MAP2: variants seen among roughly 807,000 people sequenced by gnomAD.
MAP2 encodes microtubule associated protein 2.
In MAP2, 14 loss-of-function variants were observed where a neutral mutation model predicts 137.6. That is an observed-to-expected ratio of 0.10 (90% CI 0.07 to 0.16). The LOEUF is 0.16. Among genes scored for constraint, MAP2 ranks in the 10% least tolerant of loss-of-function variants. The pLI is 1.00. For synonymous variants in MAP2, 786 were observed against 782.3 expected, an observed-to-expected ratio of 1.00 and a Z score of -0.08; for missense variants, 2,088 against 2,191.5, an observed-to-expected ratio of 0.95 and a Z score of 0.94.
chr2:209,578,092 G>C (rs1251555232), intron 2 of MAP2, among the ~76,000 whole-genome samples: 1 of 152,178 alleles, frequency 6.6e-6, no homozygotes, highest in Admixed American at 6.5e-5. Context: ...AAGTCACTTG[G>C]TGAGAGAAGA....
intron 2 of MAP2, among the ~76,000 whole-genome samples, chr2:209,516,644 C>A (rs182778935): frequency 2.0e-5 from 3 of 152,220 alleles, no homozygotes; most frequent in African/African-American, 7.2e-5. Flanking sequence ...GTGAGCAGGA[C>A]GTTTAACTTG....
rs555866029 is a variant in MAP2, at chr2:209,594,117, C to T, written c.-107+14017C>T. On this transcript the variant is annotated intron_variant, in intron 3 of 15. Transcript: ENST00000682079. ...GAGCTATGATTGTGTCGCTGCACTC[C>T]GGCCTCGGTAACAGATGAAAAAAAA... is the stretch of plus-strand genomic sequence containing the variant. Among the ~76,000 whole-genome samples, 851 of 133,022 alleles carry T rather than the reference C, an allele frequency of 6.4e-3. 7 individuals are homozygous for T. Among genetic ancestry groups the T allele is most frequent in the Middle Eastern group, 0.011 (3 of 274 alleles). The allele number at this position is 133,022 out of a possible 152,430, so 87.3% of individuals were successfully genotyped here. A position where few individuals can be genotyped will look rare whatever the true frequency, so the allele number is the denominator to read the frequency against.
At chr2:209,464,544 C>A (rs991169043) in intron 1 of MAP2, among the ~76,000 whole-genome samples, 1 of 151,964 alleles carries the variant, frequency 6.6e-6, no homozygotes. Context: ...TTCTGTTTTC[C>A]TGAAAGAATG....
At chr2:209,682,719 C>T (rs1275044719) in intron 7 of MAP2, among the ~76,000 whole-genome samples, 2 of 151,964 alleles carry the variant, frequency 1.3e-5, no homozygotes, top group African/African-American at 4.8e-5. Context: ...AGCACAAGGG[C>T]GCTCAGGTGC....
Position 209,653,018 on chromosome 2 carries a change from T to C in MAP2, c.-29-124T>C. On this transcript the variant is annotated intron_variant, in intron 4 of 15. Coordinates refer to ENST00000682079, the MANE Select transcript of MAP2 (RefSeq NM_001375505.1). The stretch of plus-strand genomic sequence containing the variant: ...ATTCTTGATATTAAACATAGGTTAT[T>C]GTACATGTTTTCTTTGACCATAGAA... 6.3e-6 allele frequency: 4 copies of C among 631,574 alleles called. No homozygotes were observed. The Admixed American group carries it at 1.4e-4, about 22-fold the overall frequency. 39.1% of individuals were successfully genotyped at this position (631,574 alleles called of 1,614,324 possible).
At chr2:209,641,439 T>A (rs2094014038) in intron 4 of MAP2, among the ~76,000 whole-genome samples, 1 of 152,036 alleles carries the variant, frequency 6.6e-6, no homozygotes, top group South Asian at 2.1e-4. Flanking sequence ...TGATTAGAAT[T>A]TTTTCTCCTT....
chr2:209,488,881 C>G (rs957723240), intron 1 of MAP2, among the ~76,000 whole-genome samples: 1 of 152,200 alleles, frequency 6.6e-6, no homozygotes, highest in African/African-American at 2.4e-5. Context: ...CTTAAACGTT[C>G]CTGCCTGCCA....
intron 1 of MAP2, among the ~76,000 whole-genome samples, chr2:209,450,872 T>G (rs1485143825): frequency 1.3e-5 from 2 of 152,080 alleles, no homozygotes; most frequent in Non-Finnish European, 2.9e-5. Flanking sequence ...GAAAAATGAA[T>G]GAGATTAGAA....
intron 3 of MAP2, among the ~76,000 whole-genome samples, chr2:209,606,135 G>A (rs532654806): frequency 1.1e-4 from 17 of 151,876 alleles, no homozygotes; most frequent in Admixed American, 1.1e-3. Context: ...ACTCAAAATC[G>A]TATATCAAGC....
intron 1 of MAP2, among the ~76,000 whole-genome samples, chr2:209,446,741 T>G (rs1244860854): frequency 6.6e-6 from 1 of 151,916 alleles, no homozygotes; most frequent in Non-Finnish European, 1.5e-5. Context: ...CTTTAAATTT[T>G]AATTGTGAAA....
At chr2:209,508,900 A>T (rs919827230) in intron 2 of MAP2, among the ~76,000 whole-genome samples, 1 of 151,848 alleles carries the variant, frequency 6.6e-6, no homozygotes, top group Non-Finnish European at 1.5e-5. Flanking sequence ...TAAATGTGCA[A>T]TTTTTTAAGA....
intron 1 of MAP2, among the ~76,000 whole-genome samples, chr2:209,471,970 A>C (rs1705845374): frequency 6.6e-6 from 1 of 152,146 alleles, no homozygotes; most frequent in Admixed American, 6.6e-5. Flanking sequence ...TTTCACAGCC[A>C]ATTTTGCTAT....
intron 3 of MAP2, among the ~76,000 whole-genome samples, chr2:209,586,646 TG>T (rs1246706843): frequency 6.6e-6 from 1 of 152,146 alleles, no homozygotes; most frequent in Non-Finnish European, 1.5e-5. Context: ...CTAAGAGATT[TG>T]CTTCTTAAAC....
At chr2:209,467,610 A>G (rs1704474922) in intron 1 of MAP2, among the ~76,000 whole-genome samples, 3 of 152,176 alleles carry the variant, frequency 2.0e-5, no homozygotes, top group Admixed American at 2.0e-4. Flanking sequence ...TCTACCAGGT[A>G]AAATCTCATA....
rs374726485 is a variant in MAP2 at position 209,560,514 on chromosome 2, C to T, written c.-171-19522C>T. 2.3e-4 allele frequency among the ~76,000 whole-genome samples: 32 copies of T among 141,324 alleles called. No homozygotes were observed. The East Asian group carries it at 5.8e-3, about 26-fold the overall frequency. The allele number at this position is 141,324 out of a possible 152,430, so 92.7% of individuals were successfully genotyped here. A position where few individuals can be genotyped will look rare whatever the true frequency, so the allele number is the denominator to read the frequency against. ...TTTTTTTTTGAGATAGGGTGTCATT[C>T]TGTTGCCCAGGGTGGAGTGCAGTGG... On this transcript the variant is annotated intron_variant, in intron 2 of 15. Transcript: ENST00000682079.
Position 209,733,487 on chromosome 2 carries a change from CA to C in MAP2, c.*3091del, listed in dbSNP as rs1157169345. The stretch of plus-strand genomic sequence containing the variant: ...ACACACACACACACACACACACACA[CA>C]CACACCTACAGTAATACAGCAAGCG... On this transcript the variant is annotated 3_prime_UTR_variant, in exon 16 of 16. Coordinates refer to ENST00000682079, the MANE Select transcript of MAP2 (RefSeq NM_001375505.1). The C allele has an allele frequency of 2.0e-4, 31 of 152,282 alleles. No individual in the cohort carries two copies. Among genetic ancestry groups the C allele is most frequent in the East Asian group, 7.8e-4 (4 of 5,138 alleles). The allele number at this position is 152,282 out of a possible 1,614,324, so 9.4% of individuals were successfully genotyped here.
chr2:209,600,755 C>G (rs1559386167), intron 3 of MAP2, among the ~76,000 whole-genome samples: 3 of 152,136 alleles, frequency 2.0e-5, no homozygotes, highest in Non-Finnish European at 2.9e-5. Flanking sequence ...GAGTCAGCGG[C>G]CTTGAATTTG....
chr2:209,573,835 T>A (rs2074851868), intron 2 of MAP2, among the ~76,000 whole-genome samples: 1 of 152,208 alleles, frequency 6.6e-6, no homozygotes. Context: ...TCCATTTTTA[T>A]GGATTTGACT....
chr2:209,594,659 A>G (rs2080753673), intron 3 of MAP2, among the ~76,000 whole-genome samples: 1 of 152,220 alleles, frequency 6.6e-6, no homozygotes, highest in Non-Finnish European at 1.5e-5. Context: ...GAATTCTCCT[A>G]TCACTGATCA....
Sources: allele counts gnomAD v4.1 joint callset (sites outside exome capture counted in the v4.1 genomes callset), GRCh38; gene constraint gnomAD v4.1.1; transcripts MANE v1.5; gene names NCBI Gene and HGNC (gene_info 2026-07-23, HGNC 2026-07-21).